SCMH1: variants seen among roughly 807,000 people sequenced by gnomAD.
SCMH1 encodes Scm polycomb group protein homolog 1, also known as polycomb protein SCMH1.
SCMH1 carries 37 observed loss-of-function variants against 70.8 expected under a neutral mutation model. That is an observed-to-expected ratio of 0.52 (90% CI 0.40 to 0.69). SCMH1 has a LOEUF of 0.69. SCMH1 is among the 30% of genes least tolerant of loss of function. SCMH1 has a pLI of 0.00. For missense variants in SCMH1, 607 were observed against 827.3 expected, an observed-to-expected ratio of 0.73 and a Z score of 3.27; for synonymous variants, 292 against 307.4, an observed-to-expected ratio of 0.95 and a Z score of 0.52.
exon 15 of SCMH1, chr1:41,028,020 A>G: frequency 1.4e-6 from 1 of 718,556 alleles, no homozygotes; most frequent in African/African-American, 1.8e-5. Flanking sequence ...TCAGTCCTTC[A>G]TGGAAGGACT....
intron 8 of SCMH1, among the ~76,000 whole-genome samples, chr1:41,112,159 G>A (rs926079503): frequency 2.0e-5 from 3 of 152,088 alleles, no homozygotes; most frequent in Non-Finnish European, 4.4e-5. Context: ...TGATTTAAAT[G>A]TTTACCATCT....
At chr1:41,109,853 C>T (rs1557481229) in intron 8 of SCMH1, among the ~76,000 whole-genome samples, 1 of 152,224 alleles carries the variant, frequency 6.6e-6, no homozygotes, top group Non-Finnish European at 1.5e-5. Flanking sequence ...CAAAGACCGT[C>T]AGCTCTGTTG....
chr1:41,209,120 A>C (rs2148782752), intron 1 of SCMH1, among the ~76,000 whole-genome samples: 1 of 152,348 alleles, frequency 6.6e-6, no homozygotes, highest in African/African-American at 2.4e-5. Context: ...ATCTAGAAGA[A>C]ATGGATAAAT....
intron 1 of SCMH1, among the ~76,000 whole-genome samples, chr1:41,188,672 T>C (rs1650893341): frequency 6.6e-6 from 1 of 152,122 alleles, no homozygotes; most frequent in African/African-American, 2.4e-5. Flanking sequence ...TAGTATCCTT[T>C]CAAAATGTAA....
chr1:41,232,785 T>C (rs1004767847), intron 1 of SCMH1, among the ~76,000 whole-genome samples: 2 of 152,246 alleles, frequency 1.3e-5, no homozygotes, highest in Admixed American at 6.5e-5. Context: ...AGGTCTGCTT[T>C]AAATACATTT....
intron 1 of SCMH1, among the ~76,000 whole-genome samples, chr1:41,225,307 C>A (rs964473997): frequency 6.6e-6 from 1 of 152,052 alleles, no homozygotes; most frequent in South Asian, 2.1e-4. Context: ...GGGATAGGTC[C>A]CCAAAGTGGG....
At chr1:41,237,206 C>T (rs536445913) in intron 1 of SCMH1, among the ~76,000 whole-genome samples, 5 of 152,070 alleles carry the variant, frequency 3.3e-5, no homozygotes, top group South Asian at 2.1e-4. Context: ...ATCAGTATGG[C>T]GGAATAAAAA....
chr1:41,230,533 C>T (rs1334494561), intron 1 of SCMH1, among the ~76,000 whole-genome samples: 3 of 151,912 alleles, frequency 2.0e-5, no homozygotes, highest in Non-Finnish European at 4.4e-5. Context: ...TAGCACACGC[C>T]TGAGGTCTTA....
intron 13 of SCMH1, among the ~76,000 whole-genome samples, chr1:41,030,088 T>C (rs1644306591): frequency 6.6e-6 from 1 of 152,138 alleles, no homozygotes; most frequent in African/African-American, 2.4e-5. Flanking sequence ...TGGTGGCACA[T>C]GCTTGCAGTC....
At chr1:41,105,063 C>T (rs1013831520) in intron 8 of SCMH1, among the ~76,000 whole-genome samples, 1 of 151,870 alleles carries the variant, frequency 6.6e-6, no homozygotes. Flanking sequence ...TCAAGTGATT[C>T]TCCTGCTTCA....
intron 9 of SCMH1, among the ~76,000 whole-genome samples, chr1:41,074,932 C>T (rs561502445): frequency 6.9e-4 from 105 of 152,154 alleles, no homozygotes; most frequent in Non-Finnish European, 1.2e-3. Flanking sequence ...GCACGATCTC[C>T]GCTCACTGCA....
At chr1:41,137,631 TA>T (rs1643566590) in intron 6 of SCMH1, among the ~76,000 whole-genome samples, 2 of 152,220 alleles carry the variant, frequency 1.3e-5, no homozygotes, top group Admixed American at 1.3e-4. Flanking sequence ...ATAGTAGAGT[TA>T]CTGTAGAGAG....
chr1:41,163,354 G>A lies in SCMH1; in HGVS notation c.14-1922C>T, dbSNP rs1288024908. ...CCTAACTCCAGTCTCTCTTGGAGGC[G>A]TGAGATCCAGGCTGATAGCATGAGC... On this transcript the variant is annotated intron_variant, in intron 2 of 14. Coordinates refer to ENST00000337495, the Ensembl canonical transcript of SCMH1. Among the ~76,000 whole-genome samples, 6 of 152,170 alleles carry A rather than the reference G, an allele frequency of 3.9e-5. No individual in the cohort carries two copies. In the East Asian group the frequency reaches 5.8e-4, roughly 15 times the overall value.
chr1:41,221,803 A>G (rs1189494696), intron 1 of SCMH1, among the ~76,000 whole-genome samples: 1 of 146,804 alleles, frequency 6.8e-6, no homozygotes, highest in Non-Finnish European at 1.5e-5. Flanking sequence ...GAGGCAGAAG[A>G]ATTGCTTAAA....
intron 10 of SCMH1, among the ~76,000 whole-genome samples, chr1:41,069,224 T>C (rs962622371): frequency 6.6e-6 from 1 of 152,168 alleles, no homozygotes; most frequent in African/African-American, 2.4e-5. Context: ...AAAATTATAA[T>C]ATCATGGAGT....
chr1:41,238,935 C>T (rs1573338417), intron 1 of SCMH1, among the ~76,000 whole-genome samples: 1 of 152,142 alleles, frequency 6.6e-6, no homozygotes, highest in Admixed American at 6.5e-5. Flanking sequence ...CCTTAGTCAT[C>T]CAAGGCAAAA....
At chr1:41,215,403 C>G (rs1433705617) in intron 1 of SCMH1, among the ~76,000 whole-genome samples, 1 of 152,168 alleles carries the variant, frequency 6.6e-6, no homozygotes, top group African/African-American at 2.4e-5. Flanking sequence ...CACTTCAAAA[C>G]CTAAATCCTT....
chr1:41,128,545 T>C (rs781282566), intron 6 of SCMH1, among the ~76,000 whole-genome samples: 24 of 152,170 alleles, frequency 1.6e-4, no homozygotes, highest in Non-Finnish European at 3.4e-4. Context: ...TTCTTCTATA[T>C]ATCATGTGCT....
intron 6 of SCMH1, among the ~76,000 whole-genome samples, chr1:41,137,077 G>A (rs766402204): frequency 7.9e-5 from 12 of 152,034 alleles, no homozygotes; most frequent in African/African-American, 1.7e-4. Context: ...TACCATGCCC[G>A]GCCAGGACCA....
Sources: allele counts gnomAD v4.1 joint callset (sites outside exome capture counted in the v4.1 genomes callset), GRCh38; gene constraint gnomAD v4.1.1; transcripts MANE v1.5; gene names NCBI Gene and HGNC (gene_info 2026-07-23, HGNC 2026-07-21).